Variants in DCDC2C observed in about 807,000 individuals in gnomAD.
DCDC2C encodes the protein doublecortin domain-containing protein 2C.
A neutral mutation model predicts 45.0 loss-of-function variants in DCDC2C; 44 were observed. The observed-to-expected ratio is 0.98, with a 90% CI of 0.77 to 1.26. The LOEUF is 1.26. Among genes scored for constraint, DCDC2C ranks in the 50% most tolerant of loss-of-function variants. The pLI is 0.00. For synonymous variants in DCDC2C, 187 were observed against 178.8 expected (o/e 1.05, Z -0.37); for missense variants, 447 against 468.9 (o/e 0.95, Z 0.43).
chr2:3,728,970 G>T (rs1227466030), intron 3 of DCDC2C, among the ~76,000 whole-genome samples: 1 of 152,196 alleles, frequency 6.6e-6, no homozygotes, highest in Non-Finnish European at 1.5e-5. Context: ...TGAAGCCCTG[G>T]TTCTGGCACT....
At chr2:3,828,587 G>A (rs1671882547) in intron 10 of DCDC2C, among the ~76,000 whole-genome samples, 1 of 152,238 alleles carries the variant, frequency 6.6e-6, no homozygotes, top group Admixed American at 6.5e-5. Context: ...TCATCAGCCA[G>A]TTTGAGGCCA....
Position 3,769,384 on chromosome 2 carries a change from T to C in DCDC2C, c.927T>C (p.Asn309=), listed in dbSNP as rs1244073715. The C allele has an allele frequency of 5.2e-6, 8 of 1,550,378 alleles. No individual in the cohort carries two copies. Among genetic ancestry groups the C allele is most frequent in the Non-Finnish European group, 7.0e-6 (8 of 1,146,944 alleles). ...CGCTGGACGTCAAAGAGGAGCACAA[T>C]GTGCAGCTGGAGGTGCCTGTGGACC... ...QGALDVKEEH[N]VQLEVPVDQR... is the part of the protein sequence containing the mutation. The change falls in exon 8 of 11, where the codon AAT becomes AAC. Residue 309 remains asparagine, a synonymous_variant. Coordinates refer to ENST00000399143, the MANE Select transcript of DCDC2C (RefSeq NM_001287444.2).
chr2:3,711,698 T>C (rs940273163), intron 2 of DCDC2C, among the ~76,000 whole-genome samples: 5 of 151,096 alleles, frequency 3.3e-5, no homozygotes, highest in African/African-American at 1.2e-4. Context: ...ATCTTTGCCT[T>C]TTTGCTATTT....
chr2:3,754,478 C>A, intron 5 of DCDC2C, 114 bp from the exon 6 acceptor site: 3 of 1,004,438 alleles, frequency 3.0e-6, no homozygotes, highest in Non-Finnish European at 4.4e-6. Context: ...CTGTGGACAG[C>A]TTGCTCCTCC....
chr2:3,732,823 C>T (rs887772551), intron 3 of DCDC2C, among the ~76,000 whole-genome samples: 1 of 152,112 alleles, frequency 6.6e-6, no homozygotes, highest in Non-Finnish European at 1.5e-5. Context: ...ATAAGAAGGA[C>T]AGATAACACC....
intron 5 of DCDC2C, 143 bp downstream of exon 5, chr2:3,753,043 AT>A: frequency 1.9e-6 from 2 of 1,027,498 alleles, no homozygotes; most frequent in Non-Finnish European, 2.7e-6. Flanking sequence ...GTATGATACA[AT>A]TTTAGATTTT....
chr2:3,749,046 C>A (rs561221286), intron 4 of DCDC2C, among the ~76,000 whole-genome samples: 1 of 152,190 alleles, frequency 6.6e-6, no homozygotes, highest in African/African-American at 2.4e-5. Context: ...TTTTAAAATT[C>A]TTGTAAGATA....
intron 4 of DCDC2C, among the ~76,000 whole-genome samples, chr2:3,751,092 C>T (rs542039476): frequency 3.3e-5 from 5 of 152,312 alleles, no homozygotes; most frequent in South Asian, 4.1e-4. Context: ...TGTTTCATAC[C>T]GGCAATATCT....
At chr2:3,779,908 G>C (rs1484491609) in intron 9 of DCDC2C, among the ~76,000 whole-genome samples, 11 of 152,206 alleles carry the variant, frequency 7.2e-5, no homozygotes, top group Non-Finnish European at 1.6e-4. Context: ...ACACAACTTG[G>C]AACGGGTGTT....
At chr2:3,846,884 G>A (rs1297950013) in intron 10 of DCDC2C, among the ~76,000 whole-genome samples, 1 of 152,200 alleles carries the variant, frequency 6.6e-6, no homozygotes, top group Non-Finnish European at 1.5e-5. Flanking sequence ...AACTGAAATG[G>A]AGTGGCCACC....
rs1302552198 is a variant in DCDC2C, at chr2:3,752,884, C to T, written c.667C>T (p.Pro223Ser). 2 of 1,550,390 alleles carry T rather than the reference C, an allele frequency of 1.3e-6. No individual in the cohort carries two copies. Among genetic ancestry groups the T allele is most frequent in the South Asian group, 1.2e-5 (1 of 84,040 alleles). ...TCCTTACTGGAAGTCTCCAAGGGTG[C>T]CCAGTGAGGTCCAACAGTGAGCATG... is the stretch of plus-strand genomic sequence containing the variant. ...YFPYWKSPRVPSEVQQRYANV... is the reference protein window; with the variant it reads ...YFPYWKSPRVSSEVQQRYANV... Residue 223 changes from proline (P) to serine (S), a missense_variant, in exon 5 of 11, where the codon CCC (proline) becomes TCC (serine). Physicochemically the swap from Pro to Ser is moderately conservative, Grantham distance 74 (BLOSUM62 -1). Coordinates refer to ENST00000399143, the MANE Select transcript of DCDC2C (RefSeq NM_001287444.2).
chr2:3,801,667 A>C (rs1408399341), intron 10 of DCDC2C, among the ~76,000 whole-genome samples: 1 of 152,252 alleles, frequency 6.6e-6, no homozygotes, highest in Non-Finnish European at 1.5e-5. Context: ...CCCGGAGCCC[A>C]GCACAGAGCC....
chr2:3,744,862 A>G (rs1324923243), intron 4 of DCDC2C, among the ~76,000 whole-genome samples: 3 of 152,242 alleles, frequency 2.0e-5, no homozygotes, highest in Admixed American at 1.3e-4. Flanking sequence ...GAATACCTCC[A>G]TGCTCCCAGA....
intron 10 of DCDC2C, among the ~76,000 whole-genome samples, 169 bp downstream of exon 10, chr2:3,785,269 G>T (rs1170925013): frequency 1.3e-5 from 2 of 152,140 alleles, no homozygotes; most frequent in Admixed American, 6.5e-5. Context: ...AACAAACTTG[G>T]AGGAAAAGAA....
At chr2:3,777,803 G>A (rs1670387948) in intron 8 of DCDC2C, among the ~76,000 whole-genome samples, 1 of 152,344 alleles carries the variant, frequency 6.6e-6, no homozygotes, top group Admixed American at 6.5e-5. Flanking sequence ...GCTGGCAGGA[G>A]CTGTTGGGTC....
chr2:3,743,196 A>AATATACAGC (rs1553374083), intron 4 of DCDC2C, among the ~76,000 whole-genome samples: 1 of 151,442 alleles, frequency 6.6e-6, no homozygotes, highest in Non-Finnish European at 1.5e-5. Flanking sequence ...GCCCATCAAG[A>AATATACAGC]ATATACAACA....
intron 10 of DCDC2C, among the ~76,000 whole-genome samples, chr2:3,840,326 C>G (rs1475752984): frequency 1.3e-5 from 2 of 152,168 alleles, no homozygotes; most frequent in African/African-American, 2.4e-5. Context: ...TCATATAGAG[C>G]AGAGGAAATG....
chr2:3,789,475 T>C (rs966810833), intron 10 of DCDC2C, among the ~76,000 whole-genome samples: 18 of 152,258 alleles, frequency 1.2e-4, no homozygotes. Flanking sequence ...GTGAGTCACC[T>C]GTCTCAAGAA....
intron 10 of DCDC2C, among the ~76,000 whole-genome samples, chr2:3,793,572 T>C (rs1359920280): frequency 6.6e-6 from 1 of 152,228 alleles, no homozygotes; most frequent in Non-Finnish European, 1.5e-5. Context: ...TCCTCTCCAG[T>C]GCTTTTGTAT....
Sources: gnomAD v4.1 joint callset for allele counts (sites outside exome capture counted in the v4.1 genomes callset) on GRCh38, gnomAD v4.1.1 for gene constraint, MANE v1.5 for transcripts, NCBI Gene and HGNC (gene_info 2026-07-23, HGNC 2026-07-21) for gene names.